Variants in ANKRD53 observed in about 807,000 individuals in gnomAD.
The protein encoded by ANKRD53 is ankyrin repeat domain-containing protein 53.
Under a neutral mutation model 30.1 loss-of-function variants are expected in ANKRD53, and 27 were observed. The ratio of observed to expected loss-of-function variants is 0.90; its 90% confidence interval spans 0.66 to 1.24. ANKRD53 has a LOEUF of 1.24. Among genes scored for constraint, ANKRD53 ranks in the 50% most tolerant of loss-of-function variants. ANKRD53 has a pLI of 0.00. For missense variants in ANKRD53, 682 were observed against 721.0 expected (o/e 0.95, Z 0.62); for synonymous variants, 286 against 295.4 (o/e 0.97, Z 0.33).
At chr2:70,984,507 T>A in intron 5 of ANKRD53, 104 bp from the exon 6 acceptor site, 2 of 1,537,682 alleles carry the variant, frequency 1.3e-6, no homozygotes, top group South Asian at 1.3e-5. Context: ...GTTTCCCTCA[T>A]CCTTCAGACT....
chr2:70,980,344 G>T (rs577464470), intron 3 of ANKRD53, among the ~76,000 whole-genome samples: 2 of 150,154 alleles, frequency 1.3e-5, no homozygotes, highest in East Asian at 3.9e-4. Flanking sequence ...AAAAAGATTG[G>T]CCTTTAACAG....
At position 70,979,191 on chromosome 2, in the gene ANKRD53, G is replaced by C; in HGVS notation, c.265G>C (p.Asp89His). The C allele has an allele frequency of 1.2e-6, 2 of 1,612,934 alleles. No homozygotes were observed. Among genetic ancestry groups the C allele is most frequent in the South Asian group, 1.1e-5 (1 of 91,086 alleles). Reference protein sequence around the residue: ...RPASLTPPRADPSPSKESDQT... With the variant: ...RPASLTPPRAHPSPSKESDQT... ...TGCCTCGCTCACCCCGCCCCGCGCTGACCCCAGCCCCAGCAAGGAGTCCGA... is the reference window on the plus strand; with the variant it reads ...TGCCTCGCTCACCCCGCCCCGCGCTCACCCCAGCCCCAGCAAGGAGTCCGA... The change falls in exon 2 of 6, where the codon GAC (aspartate) becomes CAC (histidine). Residue 89 changes from aspartate to histidine, a missense_variant. Asp to His is a moderately conservative substitution (Grantham distance 81). Coordinates refer to ENST00000360589, the MANE Select transcript of ANKRD53 (RefSeq NM_001115116.2).
At position 70,979,244 on chromosome 2, in the gene ANKRD53, C is replaced by T. The variant is rs781933456; in HGVS notation, c.318C>T (p.Ile106=). 1.2e-6 allele frequency: 2 copies of T among 1,613,566 alleles called. No homozygotes were observed. The highest frequency in any genetic ancestry group is 1.7e-6 in the Non-Finnish European group (2 of 1,180,016). ...AGACGGCAATCGACCAGACGGCGAT[C>T]GGGAGCTACTACCAGCTGTTCGCAG... ...SDQTAIDQTA[I]GSYYQLFAAA... Residue 106 remains isoleucine, a synonymous_variant, in exon 2 of 6, where the codon ATC becomes ATT. Transcript: ENST00000360589.
chr2:70,982,816 C>A lies in ANKRD53; in HGVS notation c.903+119C>A, dbSNP rs1319099842. 3 of 1,365,192 alleles carry A rather than the reference C, an allele frequency of 2.2e-6. No homozygotes were observed. The highest frequency in any genetic ancestry group is 2.5e-4 in the Middle Eastern group (1 of 3,950). 84.6% of individuals were successfully genotyped at this position (1,365,192 alleles called of 1,614,324 possible). ...AAGCACTCCCACCCTGAAAGAGCCA[C>A]CCTTTCGCCTGTACTCCCACCGGGT... On this transcript the variant is annotated intron_variant, in intron 5 of 5. Coordinates refer to ENST00000360589, the MANE Select transcript of ANKRD53 (RefSeq NM_001115116.2). The surrounding 1 kb of genome is among the most constrained non-coding windows in gnomAD (Gnocchi z 4.2).
upstream of ANKRD53, chr2:70,978,555 C>G: frequency 1.5e-6 from 2 of 1,363,750 alleles, no homozygotes; most frequent in Non-Finnish European, 1.9e-6. This position sits in a 1 kb window ranked among gnomAD's most constrained non-coding sequence, Gnocchi z 4.3. Context: ...CGGGAAACCG[C>G]GGCCAGCTGG....
intron 5 of ANKRD53, chr2:70,984,279 G>A (rs1448446835): frequency 1.2e-6 from 2 of 1,613,934 alleles, no homozygotes; most frequent in African/African-American, 2.7e-5. Flanking sequence ...CTAGGGCAGG[G>A]ACTGTGTCTC....
chr2:70,984,247 T>C, intron 5 of ANKRD53: 1 of 1,614,216 alleles, frequency 6.2e-7, no homozygotes, highest in South Asian at 1.1e-5. Flanking sequence ...GAATTGTCTT[T>C]CTGTAAGACT....
Position 70,984,748 on chromosome 2 carries a change from G to C in ANKRD53, c.1041G>C (p.Ser347=). The C allele has an allele frequency of 6.3e-7, 1 of 1,593,904 alleles. No individual in the cohort carries two copies. The highest frequency in any genetic ancestry group is 8.6e-7 in the Non-Finnish European group (1 of 1,169,586). ...CCAAGACCCCAGAGCAACGGGAATCGCAGCGTTCCAGGAGCTTCCACCCCT... is the reference window on the plus strand; with the variant it reads ...CCAAGACCCCAGAGCAACGGGAATCCCAGCGTTCCAGGAGCTTCCACCCCT... The part of the protein sequence containing the change: ...ALSKTPEQRE[S]QRSRSFHPSV... Residue 347 remains serine, a synonymous_variant, in exon 6 of 6, where the codon TCG becomes TCC. Transcript: ENST00000360589.
chr2:70,984,010 G>C (rs782136912), intron 5 of ANKRD53: 11 of 954,126 alleles, frequency 1.2e-5, no homozygotes, highest in Non-Finnish European at 1.5e-5. Flanking sequence ...TGCTGCCACC[G>C]GGCCTGGAGA....
In ANKRD53 at chr2:70,984,916, G is replaced by T. The variant is rs782742291; in HGVS notation, c.1209G>T (p.Ser403=). ...CCCCCACCACCCAGATCAGCCACTC[G>T]CAGGGCATCCGCCTGGGCGTGCATC... ...ARPPTTQISH[S]QGIRLGVHPD... is the part of the protein sequence containing the mutation. Residue 403 remains serine, a synonymous_variant, in exon 6 of 6, where the codon TCG becomes TCT. Coordinates refer to ENST00000360589, the MANE Select transcript of ANKRD53 (RefSeq NM_001115116.2). 212 of 1,550,756 alleles carry T rather than the reference G, an allele frequency of 1.4e-4. No individual in the cohort carries two copies. The highest frequency in any genetic ancestry group is 1.8e-4 in the Non-Finnish European group (207 of 1,147,010).
At chr2:70,983,337 T>C (rs190811213) in intron 5 of ANKRD53, among the ~76,000 whole-genome samples, 3 of 152,270 alleles carry the variant, frequency 2.0e-5, no homozygotes, top group Admixed American at 2.0e-4. Flanking sequence ...GGGAACATGA[T>C]GTATGCAGAG....
Position 70,984,768 on chromosome 2 carries a change from A to C in ANKRD53, c.1061A>C (p.His354Pro). Residue 354 changes from histidine to proline, a missense_variant, in exon 6 of 6, where the codon CAC becomes CCC. By Grantham distance (77) the His-to-Pro change is moderately conservative. Transcript: ENST00000360589. ...QRESQRSRSF[H>P]PSVDARLQCI... is the part of the protein sequence containing the mutation. ...GAATCGCAGCGTTCCAGGAGCTTCC[A>C]CCCCTCTGTGGATGCACGCCTGCAA... 6.4e-7 allele frequency: 1 copy of C among 1,571,634 alleles called. No homozygotes were observed. Among genetic ancestry groups the C allele is most frequent in the Non-Finnish European group, 8.6e-7 (1 of 1,157,844 alleles).
chr2:70,984,543 G>A, intron 5 of ANKRD53, 68 bp from the exon 6 acceptor site: 3 of 1,568,278 alleles, frequency 1.9e-6, no homozygotes, highest in Non-Finnish European at 1.7e-6. Flanking sequence ...TACAGCCACA[G>A]GACCTCCTTG....
chr2:70,984,919 G>C lies in ANKRD53; in HGVS notation c.1212G>C (p.Gln404His). 1 of 1,550,918 alleles carries C rather than the reference G, an allele frequency of 6.4e-7. No homozygotes were observed. Among genetic ancestry groups the C allele is most frequent in the Non-Finnish European group, 8.7e-7 (1 of 1,147,006 alleles). Reference protein sequence around the residue: ...RPPTTQISHSQGIRLGVHPDP... With the variant: ...RPPTTQISHSHGIRLGVHPDP... ...CCACCACCCAGATCAGCCACTCGCAGGGCATCCGCCTGGGCGTGCATCCAG... is the reference window on the plus strand; with the variant it reads ...CCACCACCCAGATCAGCCACTCGCACGGCATCCGCCTGGGCGTGCATCCAG... Residue 404 changes from glutamine (Q) to histidine (H), a missense_variant, in exon 6 of 6, where the codon CAG (glutamine) becomes CAC (histidine). Transcript: ENST00000360589.
chr2:70,979,870 G>C lies in ANKRD53; in HGVS notation c.617+10G>C, dbSNP rs781971423. 1 of 1,614,170 alleles carries C rather than the reference G, an allele frequency of 6.2e-7. No homozygotes were observed. The highest frequency in any genetic ancestry group is 2.2e-5 in the East Asian group (1 of 44,884). On this transcript the variant is annotated intron_variant, in intron 3 of 5. Coordinates refer to ENST00000360589, the MANE Select transcript of ANKRD53 (RefSeq NM_001115116.2). ...GCGCAGACCTCAATGCGTGAGTCCA[G>C]CCTGCTTCAGGAGGGAGGCTTCGGG...
At position 70,981,926 on chromosome 2, in the gene ANKRD53, C is replaced by A. The variant is rs782199522; in HGVS notation, c.618-10C>A. ...TCTGCCCTTATCCCCACTGGTGGGG[C>A]CTTCCACAGTCAGACATGCAACGGC... is the stretch of plus-strand genomic sequence containing the variant. On this transcript the variant is annotated splice_polypyrimidine_tract_variant and intron_variant, in intron 3 of 5. Coordinates refer to ENST00000360589, the MANE Select transcript of ANKRD53 (RefSeq NM_001115116.2). 2.6e-6 allele frequency: 4 copies of A among 1,560,420 alleles called. No individual in the cohort carries two copies. Among genetic ancestry groups the A allele is most frequent in the South Asian group, 1.2e-5 (1 of 83,816 alleles).
rs782431005 is a variant in ANKRD53 at position 70,985,050 on chromosome 2, C to T, written c.1343C>T (p.Pro448Leu). ...GACGGCCACTGGGTGGCGCCCGTGC[C>T]GCGGCTGCCTTTTGAGGTGCTGCTG... ...TVDGHWVAPV[P>L]RLPFEVLLRM... The change falls in exon 6 of 6, where the codon CCG becomes CTG. Residue 448 changes from proline (P) to leucine (L), a missense_variant. Pro to Leu is a moderately conservative substitution (Grantham distance 98). Transcript: ENST00000360589. 6.5e-6 allele frequency: 10 copies of T among 1,549,876 alleles called. No homozygotes were observed. Among genetic ancestry groups the T allele is most frequent in the South Asian group, 2.4e-5 (2 of 84,050 alleles).
In ANKRD53 at chr2:70,978,900, G is replaced by T. The variant is rs968972151; in HGVS notation, c.170+85G>T. 4.5e-5 allele frequency: 66 copies of T among 1,467,746 alleles called. No individual in the cohort carries two copies. The highest frequency in any genetic ancestry group is 1.5e-5 in the African/African-American group (1 of 68,400). The allele number at this position is 1,467,746 out of a possible 1,614,324, so 90.9% of individuals were successfully genotyped here. A position where few individuals can be genotyped will look rare whatever the true frequency, so the allele number is the denominator to read the frequency against. On this transcript the variant is annotated intron_variant, in intron 1 of 5. Transcript: ENST00000360589. This position sits in a 1 kb window ranked among gnomAD's most constrained non-coding sequence, Gnocchi z 4.3. ...CTGGTGGGCAGGGCCTGGAGCGGGC[G>T]GGGGCGGAGGCTGCGGCCCGAGAAG...
Position 70,979,133 on chromosome 2 carries a change from G to C in ANKRD53, c.207G>C (p.Ala69=). ...CCGACCTCGCAGACCACCTCAGTGC[G>C]CAGGCGACTGCCCTCGCCAGGCCGC... ...PLPDLADHLS[A]QATALARPRR... Residue 69 remains alanine (A), a synonymous_variant, in exon 2 of 6, where the codon GCG becomes GCC. Coordinates refer to ENST00000360589, the MANE Select transcript of ANKRD53 (RefSeq NM_001115116.2). 6.2e-7 allele frequency: 1 copy of C among 1,607,010 alleles called. No homozygotes were observed. The highest frequency in any genetic ancestry group is 8.5e-7 in the Non-Finnish European group (1 of 1,178,308).
Sources: allele counts gnomAD v4.1 joint callset (sites outside exome capture counted in the v4.1 genomes callset), GRCh38; gene constraint gnomAD v4.1.1; non-coding constraint Gnocchi (gnomAD v3.1); transcripts MANE v1.5; gene names NCBI Gene and HGNC (gene_info 2026-07-23, HGNC 2026-07-21).